TRIM33: variants seen among roughly 807,000 people sequenced by gnomAD.
The protein encoded by TRIM33 is tripartite motif containing 33.
In TRIM33, 20 loss-of-function variants were observed where a neutral mutation model predicts 125.4. The ratio of observed to expected loss-of-function variants is 0.16; its 90% CI spans 0.11 to 0.23. The LOEUF is 0.23. TRIM33 is among the 10% of genes least tolerant of loss of function. The pLI is 1.00. For synonymous variants in TRIM33, 564 were observed against 513.9 expected (o/e 1.10, Z -1.32); for missense variants, 920 against 1,411.4 (o/e 0.65, Z 5.58).
intron 11 of TRIM33, among the ~76,000 whole-genome samples, chr1:114,411,588 A>G (rs1376163762): frequency 6.6e-6 from 1 of 152,202 alleles, no homozygotes; most frequent in Non-Finnish European, 1.5e-5. Context: ...AGAAGGGGGA[A>G]GATGATTCAA....
chr1:114,467,770 A>T (rs904782257), intron 1 of TRIM33, among the ~76,000 whole-genome samples: 1 of 152,214 alleles, frequency 6.6e-6, no homozygotes. Context: ...TAATGCGCTT[A>T]AAGTCAGCTG....
chr1:114,466,021 C>T (rs1009808948), intron 1 of TRIM33, among the ~76,000 whole-genome samples: 8 of 150,162 alleles, frequency 5.3e-5, no homozygotes, highest in Admixed American at 4.7e-4. Context: ...CCAGCTTGGG[C>T]GACAGAGAGA....
At chr1:114,444,298 G>T (rs1648841881) in intron 4 of TRIM33, among the ~76,000 whole-genome samples, 1 of 152,192 alleles carries the variant, frequency 6.6e-6, no homozygotes, top group South Asian at 2.1e-4. Context: ...CAAAGTCTGG[G>T]CTATATATGA....
intron 1 of TRIM33, among the ~76,000 whole-genome samples, chr1:114,482,817 A>T (rs1197053311): frequency 6.6e-6 from 1 of 152,124 alleles, no homozygotes; most frequent in Non-Finnish European, 1.5e-5. Context: ...AGATGTGCTT[A>T]ACTTCCCTTT....
In TRIM33 at chr1:114,511,014, C is replaced by G. The variant is rs1347266171; in HGVS notation, c.63G>C (p.Pro21=). 7.6e-7 allele frequency: 1 copy of G among 1,323,708 alleles called. No individual in the cohort carries two copies. The highest frequency in any genetic ancestry group is 9.6e-7 in the Non-Finnish European group (1 of 1,037,954). The allele number at this position is 1,323,708 out of a possible 1,614,324, so 82.0% of individuals were successfully genotyped here. A position where few individuals can be genotyped will look rare whatever the true frequency, so the allele number is the denominator to read the frequency against. Residue 21 remains proline (P), a synonymous_variant, in exon 1 of 20, where the codon CCG becomes CCC. Coordinates refer to ENST00000358465, the MANE Select transcript of TRIM33 (RefSeq NM_015906.4). ...CGGGCCCGGCGGCCCCGGCAGTTACCGGCGCGCTGCCGCTGCCCCCGCCGC... is the reference window on the plus strand; with the variant it reads ...CGGGCCCGGCGGCCCCGGCAGTTACGGGCGCGCTGCCGCTGCCCCCGCCGC... ...ESGGGGSGSA[P]VTAGAAGPAA...
intron 1 of TRIM33, among the ~76,000 whole-genome samples, chr1:114,478,057 A>C (rs74113195): frequency 0.043 from 6,599 of 152,308 alleles, 155 homozygotes; most frequent in South Asian, 0.063. Context: ...TGTCACAAAG[A>C]AAAAAAGCAA....
chr1:114,468,642 C>A, intron 1 of TRIM33: 1 of 419,508 alleles, frequency 2.4e-6, no homozygotes. Context: ...TATTCAAGAA[C>A]CAGCTGAACC....
chr1:114,492,270 G>A (rs1045729712), intron 1 of TRIM33, among the ~76,000 whole-genome samples: 3 of 151,958 alleles, frequency 2.0e-5, no homozygotes, highest in East Asian at 1.9e-4. Context: ...ACAATAAAAC[G>A]TACTTTAAAA....
chr1:114,449,512 A>G (rs1649191952), intron 4 of TRIM33, among the ~76,000 whole-genome samples: 1 of 152,148 alleles, frequency 6.6e-6, no homozygotes, highest in South Asian at 2.1e-4. Context: ...TACAAGGCTG[A>G]TAATGATGGA....
chr1:114,510,429 T>C (rs894556791), intron 1 of TRIM33, 122 bp downstream of exon 1: 6 of 922,066 alleles, frequency 6.5e-6, no homozygotes, highest in South Asian at 4.3e-5. Flanking sequence ...TCTTTCACCT[T>C]AGAGACCCCT....
At chr1:114,444,350 T>C (rs1312593107) in intron 4 of TRIM33, among the ~76,000 whole-genome samples, 3 of 152,212 alleles carry the variant, frequency 2.0e-5, no homozygotes, top group African/African-American at 7.2e-5. Context: ...GCCGTTGCTA[T>C]AAAGTTGACA....
chr1:114,394,083 G>A lies in TRIM33; in HGVS notation c.*3565C>T, dbSNP rs1557835319. The stretch of plus-strand genomic sequence containing the variant: ...TGAAAATCTTGAGTCACCTTCAGCA[G>A]ATCATTAACATAGATGGTACAGAAA... On this transcript the variant is annotated 3_prime_UTR_variant, in exon 20 of 20. Coordinates refer to ENST00000358465, the MANE Select transcript of TRIM33 (RefSeq NM_015906.4). 2 of 227,764 alleles carry A rather than the reference G, an allele frequency of 8.8e-6. No homozygotes were observed. Among genetic ancestry groups the A allele is most frequent in the Non-Finnish European group, 1.7e-5 (2 of 114,452 alleles). 14.1% of individuals were successfully genotyped at this position (227,764 alleles called of 1,614,324 possible).
intron 14 of TRIM33, 150 bp from the exon 15 acceptor site, chr1:114,405,909 A>C: frequency 1.4e-6 from 1 of 713,510 alleles, no homozygotes; most frequent in Non-Finnish European, 2.2e-6. Context: ...AAGAAATGAC[A>C]ATAACCCCAA....
At chr1:114,465,856 A>G (rs1184928992) in intron 1 of TRIM33, among the ~76,000 whole-genome samples, 3 of 151,988 alleles carry the variant, frequency 2.0e-5, no homozygotes, top group Non-Finnish European at 4.4e-5. Flanking sequence ...CCTGGCTAAC[A>G]TGGTGAAACC....
rs1308731582 is a variant in TRIM33, at chr1:114,394,882, G to A, written c.*2766C>T. Reference sequence around the variant, plus strand: ...AGTTTTCTGATGGAAGAAGTAAATTGAAGTACAGCAAAAACTTTAAAAGCT... The same window carrying A: ...AGTTTTCTGATGGAAGAAGTAAATTAAAGTACAGCAAAAACTTTAAAAGCT... On this transcript the variant is annotated 3_prime_UTR_variant, in exon 20 of 20. Transcript: ENST00000358465. 3 of 193,638 alleles carry A rather than the reference G, an allele frequency of 1.5e-5. No individual in the cohort carries two copies. Among genetic ancestry groups the A allele is most frequent in the African/African-American group, 7.0e-5 (3 of 43,132 alleles). 12.0% of individuals were successfully genotyped at this position (193,638 alleles called of 1,614,324 possible).
intron 16 of TRIM33, among the ~76,000 whole-genome samples, chr1:114,402,140 G>A (rs1651933232): frequency 6.6e-6 from 1 of 152,144 alleles, no homozygotes; most frequent in African/African-American, 2.4e-5. Context: ...TCAGACTACA[G>A]GCCAGATTGG....
chr1:114,414,503 C>T (rs1315368555), intron 11 of TRIM33, among the ~76,000 whole-genome samples: 3 of 152,012 alleles, frequency 2.0e-5, no homozygotes, highest in Admixed American at 2.0e-4. Flanking sequence ...GCCCTTTTTC[C>T]TAATAAAATT....
intron 10 of TRIM33, among the ~76,000 whole-genome samples, chr1:114,422,333 A>G (rs893793591): frequency 6.6e-6 from 1 of 152,174 alleles, no homozygotes; most frequent in Non-Finnish European, 1.5e-5. Flanking sequence ...TTCTGAGATG[A>G]TTCATTAGTC....
chr1:114,406,985 C>T lies in TRIM33; in HGVS notation c.2374G>A (p.Val792Ile), dbSNP rs760338825. ...EDEICSFSGG[V>I]KQEKTEDGRR... ...CCATCCTCTGTTTTTTCTTGTTTTA[C>T]ACCTCCTGAAAAGCTACATATTTCA... The change falls in exon 14 of 20, where the codon GTA becomes ATA. Residue 792 changes from valine (V) to isoleucine (I), a missense_variant. Val to Ile is a conservative substitution (Grantham distance 29, BLOSUM62 3). Transcript: ENST00000358465. 8.7e-6 allele frequency: 14 copies of T among 1,613,900 alleles called. No homozygotes were observed. The highest frequency in any genetic ancestry group is 2.7e-5 in the African/African-American group (2 of 74,920).
Sources: gnomAD v4.1 joint callset for allele counts (sites outside exome capture counted in the v4.1 genomes callset) on GRCh38, gnomAD v4.1.1 for gene constraint, MANE v1.5 for transcripts, NCBI Gene and HGNC (gene_info 2026-07-23, HGNC 2026-07-21) for gene names.